The following CFAP221 variants were observed in gnomAD, a reference collection of about 807,000 sequenced individuals.
The protein encoded by CFAP221 is cilia- and flagella-associated protein 221.
CFAP221 carries 97 observed loss-of-function variants against 113.1 expected under a neutral mutation model. That is an observed-to-expected ratio of 0.86 (90% CI 0.73 to 1.02). The LOEUF (loss-of-function observed/expected upper bound fraction) is 1.02, where lower values mean the gene tolerates loss of function less well. CFAP221 is among the 50% of genes least tolerant of loss of function. CFAP221 has a pLI of 0.00. For synonymous variants in CFAP221, 331 were observed against 354.4 expected (o/e 0.93, Z 0.74); for missense variants, 1,025 against 1,013.4 (o/e 1.01, Z -0.16).
At chr2:119,572,449 A>G (rs748762885) in intron 6 of CFAP221, 5 of 599,668 alleles carry the variant, frequency 8.3e-6, no homozygotes, top group East Asian at 5.5e-5. Context: ...ATAAGTAAAT[A>G]TGGATATGCT....
chr2:119,590,411 G>T (rs531948621), intron 7 of CFAP221, among the ~76,000 whole-genome samples: 8 of 152,280 alleles, frequency 5.3e-5, no homozygotes, highest in Admixed American at 2.0e-4. Context: ...GCACCTTCTA[G>T]CAAAGAATGA....
At chr2:119,653,733 A>G (rs1011005025) in intron 23 of CFAP221, among the ~76,000 whole-genome samples, 3 of 152,220 alleles carry the variant, frequency 2.0e-5, no homozygotes, top group African/African-American at 7.2e-5. Flanking sequence ...CCATCCAGAT[A>G]GTGTGTTACC....
At chr2:119,551,368 C>A (rs1680412167) in intron 3 of CFAP221, among the ~76,000 whole-genome samples, 1 of 152,182 alleles carries the variant, frequency 6.6e-6, no homozygotes, top group Admixed American at 6.5e-5. Flanking sequence ...TAAAGACTTA[C>A]TCCTGTGTTT....
intron 6 of CFAP221, among the ~76,000 whole-genome samples, chr2:119,577,022 T>C (rs541701695): frequency 6.6e-6 from 1 of 152,366 alleles, no homozygotes; most frequent in East Asian, 1.9e-4. Flanking sequence ...TTATAAAAGG[T>C]CTTGGCATTT....
rs888545758 is a variant in CFAP221 at position 119,562,124 on chromosome 2, C to T, written c.527+10C>T. 1.2e-5 allele frequency: 18 copies of T among 1,495,210 alleles called. No individual in the cohort carries two copies. Among genetic ancestry groups the T allele is most frequent in the Non-Finnish European group, 1.6e-5 (18 of 1,112,560 alleles). The allele number at this position is 1,495,210 out of a possible 1,614,324, so 92.6% of individuals were successfully genotyped here. On this transcript the variant is annotated intron_variant, in intron 6 of 23. Transcript: ENST00000413369. ...TTCTACTTGGTGAAAGGTGAGTTAC[C>T]AAAATGTCAACAAAATGTATAGGAT...
rs541812036 is a variant in CFAP221 at position 119,634,774 on chromosome 2, T to A, written c.1975-3485T>A. ...ATATGAGATATTGATAATAGCCAGA[T>A]TGACATAATCAAGAGTGAATGATGG... is the stretch of plus-strand genomic sequence containing the variant. On this transcript the variant is annotated intron_variant, in intron 19 of 23. Coordinates refer to ENST00000413369, the MANE Select transcript of CFAP221 (RefSeq NM_001271049.2). Among the ~76,000 whole-genome samples the A allele has an allele frequency of 8.5e-5, 13 of 152,298 alleles. No homozygotes were observed. In the South Asian group the frequency reaches 2.7e-3, roughly 32 times the overall value.
chr2:119,595,179 C>G (rs1256837236), intron 7 of CFAP221, among the ~76,000 whole-genome samples: 1 of 152,246 alleles, frequency 6.6e-6, no homozygotes, highest in Non-Finnish European at 1.5e-5. Context: ...GTCTGTGATG[C>G]TGGGGTTTGG....
intron 19 of CFAP221, 60 bp downstream of exon 19, chr2:119,630,961 A>T (rs769643461): frequency 6.3e-7 from 1 of 1,581,400 alleles, no homozygotes. Flanking sequence ...CAATTACTCT[A>T]TAGGAAACAG....
intron 14 of CFAP221, among the ~76,000 whole-genome samples, chr2:119,618,547 A>T (rs936199783): frequency 6.6e-6 from 1 of 152,048 alleles, no homozygotes; most frequent in Admixed American, 6.5e-5. Flanking sequence ...GGAACAGTGC[A>T]CTCCAGCCCA....
chr2:119,638,110 C>G (rs937760196), intron 19 of CFAP221, 149 bp from the exon 20 acceptor site: 1 of 696,208 alleles, frequency 1.4e-6, no homozygotes, highest in African/African-American at 1.8e-5. Flanking sequence ...CACCTCTGCT[C>G]TCCTGCTTCT....
intron 6 of CFAP221, among the ~76,000 whole-genome samples, chr2:119,564,983 G>A (rs1210784870): frequency 6.6e-6 from 1 of 152,126 alleles, no homozygotes; most frequent in Non-Finnish European, 1.5e-5. Context: ...ATGGTTGTAG[G>A]CCTTTACACA....
At position 119,629,586 on chromosome 2, in the gene CFAP221, A is replaced by G. The variant is rs568405645; in HGVS notation, c.1651-289A>G. On this transcript the variant is annotated intron_variant, in intron 16 of 23. Coordinates refer to ENST00000413369, the MANE Select transcript of CFAP221 (RefSeq NM_001271049.2). ...ATCCCTACACTCCTGGCAGCTAGGG[A>G]CTGAGTCCTTCAAGCCTGAGTCCTT... Among the ~76,000 whole-genome samples the G allele has an allele frequency of 8.5e-5, 13 of 152,238 alleles. No homozygotes were observed. The South Asian group carries it at 2.7e-3, about 32-fold the overall frequency.
chr2:119,563,044 C>T (rs950356116), intron 6 of CFAP221, among the ~76,000 whole-genome samples: 1 of 152,186 alleles, frequency 6.6e-6, no homozygotes, highest in Admixed American at 6.5e-5. Flanking sequence ...GTCCCAGCTA[C>T]TTGGTAGGCT....
At chr2:119,550,410 G>A (rs1009060356) in intron 3 of CFAP221, among the ~76,000 whole-genome samples, 1 of 152,198 alleles carries the variant, frequency 6.6e-6, no homozygotes, top group African/African-American at 2.4e-5. Flanking sequence ...GAAGTGAGTA[G>A]CGAGAATAGA....
intron 3 of CFAP221, among the ~76,000 whole-genome samples, chr2:119,550,348 G>C (rs1156861206): frequency 6.6e-6 from 1 of 152,208 alleles, no homozygotes; most frequent in Non-Finnish European, 1.5e-5. Context: ...TTTCCGTCAG[G>C]AAGACCCCAA....
At chr2:119,625,761 A>C in intron 15 of CFAP221, 73 bp downstream of exon 15, 3 of 1,293,024 alleles carry the variant, frequency 2.3e-6, no homozygotes, top group Non-Finnish European at 3.3e-6. Flanking sequence ...CCTTAGAATG[A>C]AGTTAGCTCT....
chr2:119,607,100 T>C (rs1015257614), intron 11 of CFAP221, among the ~76,000 whole-genome samples: 1 of 152,250 alleles, frequency 6.6e-6, no homozygotes, highest in Admixed American at 6.5e-5. Context: ...TGGGCAAATT[T>C]AGCCAGTTGT....
intron 16 of CFAP221, among the ~76,000 whole-genome samples, chr2:119,628,309 G>GTGTGTGTC (rs1686514062): frequency 6.6e-6 from 1 of 151,482 alleles, no homozygotes; most frequent in Non-Finnish European, 1.5e-5. Flanking sequence ...GTGTGTGTGT[G>GTGTGTGTC]TGTGTGTGTG....
chr2:119,561,330 T>C (rs904236687), intron 5 of CFAP221, among the ~76,000 whole-genome samples: 1 of 152,070 alleles, frequency 6.6e-6, no homozygotes, highest in African/African-American at 2.4e-5. Context: ...AGAATATTGC[T>C]TTCAGATGGA....
Sources: gnomAD v4.1 joint callset for allele counts (sites outside exome capture counted in the v4.1 genomes callset) on GRCh38, gnomAD v4.1.1 for gene constraint, MANE v1.5 for transcripts, NCBI Gene and HGNC (gene_info 2026-07-23, HGNC 2026-07-21) for gene names.